The following AP1S3 variants were observed in gnomAD, a reference collection of about 807,000 sequenced individuals.
The protein encoded by AP1S3 is AP-1 complex subunit sigma-3.
In AP1S3, 10 loss-of-function variants were observed where a neutral mutation model predicts 20.9. The observed-to-expected ratio is 0.48, with a 90% CI of 0.29 to 0.81. The LOEUF is 0.81. Ranked by LOEUF, AP1S3 falls within the 30% of genes least tolerant of loss-of-function variation. The pLI is 0.08. For missense variants in AP1S3, 154 were observed against 183.8 expected (o/e 0.84, Z 0.94); for synonymous variants, 41 against 61.5 (o/e 0.67, Z 1.56).
intron 4 of AP1S3, among the ~76,000 whole-genome samples, chr2:223,762,994 G>A (rs1476288361): frequency 6.6e-6 from 1 of 151,722 alleles, no homozygotes; most frequent in Non-Finnish European, 1.5e-5. Flanking sequence ...CTCCTATCCA[G>A]TTGAAACCTC....
Position 223,758,280 on chromosome 2 carries a change from T to C in AP1S3, c.*435A>G. On this transcript the variant is annotated 3_prime_UTR_variant, in exon 5 of 5. Transcript: ENST00000396654. ...CTATTAACATAATTTTGAATTATTA[T>C]ACAATTTAGAAAACTAAACATTTAG... 4.1e-6 allele frequency: 4 copies of C among 975,604 alleles called. No individual in the cohort carries two copies. Among genetic ancestry groups the C allele is most frequent in the Non-Finnish European group, 4.9e-6 (4 of 820,436 alleles). The allele number at this position is 975,604 out of a possible 1,614,324, so 60.4% of individuals were successfully genotyped here. A position where few individuals can be genotyped will look rare whatever the true frequency, so the allele number is the denominator to read the frequency against.
chr2:223,827,210 T>C (rs1193198720), intron 1 of AP1S3, among the ~76,000 whole-genome samples: 3 of 152,186 alleles, frequency 2.0e-5, no homozygotes, highest in Non-Finnish European at 2.9e-5. Context: ...GACTCTCTTA[T>C]GTAGTGGACT....
Position 223,756,969 on chromosome 2 carries a change from CT to C in AP1S3, c.*1745del, listed in dbSNP as rs1690236255. The C allele has an allele frequency of 1.0e-6, 1 of 983,758 alleles. No homozygotes were observed. The highest frequency in any genetic ancestry group is 1.8e-5 in the African/African-American group (1 of 57,056). The allele number at this position is 983,758 out of a possible 1,614,324, so 60.9% of individuals were successfully genotyped here. ...AAATAGCAGGCAGCAAGACAGAATA[CT>C]ACAAGCTTTTACTTTTTCTTTTTTT... On this transcript the variant is annotated 3_prime_UTR_variant, in exon 5 of 5. Transcript: ENST00000396654.
Position 223,828,916 on chromosome 2 carries a change from C to CA in AP1S3, c.3+8531dup, listed in dbSNP as rs1255703605. 3.3e-5 allele frequency among the ~76,000 whole-genome samples: 5 copies of CA among 152,330 alleles called. No homozygotes were observed. In the East Asian group the frequency reaches 9.6e-4, roughly 29 times the overall value. The stretch of plus-strand genomic sequence containing the variant: ...GGAGTGCAGTGGCGCGATCTCGGCT[C>CA]ACTGCAACCTCCACCCTCCGGGTTC... On this transcript the variant is annotated intron_variant, in intron 1 of 4. Coordinates refer to ENST00000396654, the MANE Select transcript of AP1S3 (RefSeq NM_001039569.2).
intron 1 of AP1S3, among the ~76,000 whole-genome samples, chr2:223,788,889 C>G (rs1574704335): frequency 6.6e-6 from 1 of 152,218 alleles, no homozygotes; most frequent in East Asian, 1.9e-4. Flanking sequence ...ACTTCCATCT[C>G]TAGCTTTGTC....
intron 1 of AP1S3, among the ~76,000 whole-genome samples, 168 bp downstream of exon 1, chr2:223,837,280 C>T (rs1214057176): frequency 6.6e-6 from 1 of 151,832 alleles, no homozygotes; most frequent in Non-Finnish European, 1.5e-5. Context: ...CTGGCGCGTC[C>T]GCACCGTCTG....
chr2:223,804,037 C>CCT (rs1195042139), intron 1 of AP1S3, among the ~76,000 whole-genome samples: 1 of 152,134 alleles, frequency 6.6e-6, no homozygotes, highest in East Asian at 1.9e-4. Context: ...ATTATACAAT[C>CCT]CACCCTACCC....
intron 1 of AP1S3, among the ~76,000 whole-genome samples, chr2:223,819,300 T>A (rs1691929775): frequency 6.6e-6 from 1 of 152,238 alleles, no homozygotes; most frequent in Non-Finnish European, 1.5e-5. Context: ...GTAGCTGAAC[T>A]GCATAAAGCT....
chr2:223,758,890 G>A, intron 4 of AP1S3, 140 bp from the exon 5 acceptor site: 1 of 699,086 alleles, frequency 1.4e-6, no homozygotes, highest in Non-Finnish European at 2.3e-6. Context: ...TAAAATCTTT[G>A]CATTCTAATC....
intron 1 of AP1S3, 25 bp from the exon 2 acceptor site, chr2:223,777,894 GA>G: frequency 6.3e-7 from 1 of 1,592,654 alleles, no homozygotes; most frequent in Non-Finnish European, 8.6e-7. Context: ...ACAAAAAACA[GA>G]ACCTGATCAA....
intron 1 of AP1S3, among the ~76,000 whole-genome samples, chr2:223,778,694 T>C (rs1280455650): frequency 6.7e-6 from 1 of 149,670 alleles, no homozygotes; most frequent in Non-Finnish European, 1.5e-5. Context: ...GTCTTAAATG[T>C]AAGCTTTTTT....
At chr2:223,796,284 A>G (rs1420883464) in intron 1 of AP1S3, among the ~76,000 whole-genome samples, 1 of 152,192 alleles carries the variant, frequency 6.6e-6, no homozygotes. Flanking sequence ...CCCATTCAGA[A>G]TCATCCCATT....
chr2:223,773,306 C>T lies in AP1S3; in HGVS notation c.291+2595G>A, dbSNP rs533224821. ...AAAGAGAAGGCAGGTTACGGGAATG[C>T]CCAGACCTCAAGGAAACTTCTTCAG... On this transcript the variant is annotated intron_variant, in intron 3 of 4. Coordinates refer to ENST00000396654, the MANE Select transcript of AP1S3 (RefSeq NM_001039569.2). 3.8e-6 allele frequency: 5 copies of T among 1,303,870 alleles called. No individual in the cohort carries two copies. In the Admixed American group the frequency reaches 1.1e-4, roughly 30 times the overall value. The allele number at this position is 1,303,870 out of a possible 1,614,324, so 80.8% of individuals were successfully genotyped here.
chr2:223,805,825 C>T (rs1375862799), intron 1 of AP1S3, among the ~76,000 whole-genome samples: 2 of 152,046 alleles, frequency 1.3e-5, no homozygotes, highest in Non-Finnish European at 2.9e-5. Flanking sequence ...ATAATTTTCT[C>T]AGAACTTTTA....
At chr2:223,780,965 C>G (rs1196927739) in intron 1 of AP1S3, among the ~76,000 whole-genome samples, 1 of 151,594 alleles carries the variant, frequency 6.6e-6, no homozygotes, top group African/African-American at 2.4e-5. Flanking sequence ...CTAGTAGTCC[C>G]CAGTGTGTAT....
intron 1 of AP1S3, among the ~76,000 whole-genome samples, chr2:223,807,867 CTTTTTTT>C (rs138805104): frequency 1.8e-3 from 79 of 43,224 alleles, no homozygotes; most frequent in South Asian, 0.014. Context: ...CATTTCTTTT[CTTTTTTT>C]TTTTTTTTTT....
At chr2:223,831,041 T>C (rs1445484824) in intron 1 of AP1S3, among the ~76,000 whole-genome samples, 1 of 152,204 alleles carries the variant, frequency 6.6e-6, no homozygotes, top group Non-Finnish European at 1.5e-5. Flanking sequence ...TTCTTTTTAA[T>C]AGAGACTGAG....
At chr2:223,769,807 G>A (rs1434869732) in intron 3 of AP1S3, among the ~76,000 whole-genome samples, 2 of 134,492 alleles carry the variant, frequency 1.5e-5, no homozygotes, top group East Asian at 2.3e-4. Context: ...GCAGTGGCGC[G>A]ATCTCGGCTC....
chr2:223,806,497 G>C (rs1204025612), intron 1 of AP1S3, among the ~76,000 whole-genome samples: 1 of 151,942 alleles, frequency 6.6e-6, no homozygotes, highest in Non-Finnish European at 1.5e-5. Context: ...TGTTAGCCAG[G>C]ATGGTCTCGA....
Sources: allele counts gnomAD v4.1 joint callset (sites outside exome capture counted in the v4.1 genomes callset), GRCh38; gene constraint gnomAD v4.1.1; transcripts MANE v1.5; gene names NCBI Gene and HGNC (gene_info 2026-07-23, HGNC 2026-07-21).